Variants in AMN1 observed in about 807,000 individuals in gnomAD.
AMN1 encodes protein AMN1 homolog.
A neutral mutation model predicts 33.0 loss-of-function variants in AMN1; 20 were observed. The ratio of observed to expected loss-of-function variants is 0.61; its 90% CI spans 0.43 to 0.88. The LOEUF (loss-of-function observed/expected upper bound fraction) is 0.88. Ranked by LOEUF, AMN1 falls within the 40% of genes least tolerant of loss-of-function variation. The pLI is 0.00. For missense variants in AMN1, 246 were observed against 307.4 expected (o/e 0.80, Z 1.49); for synonymous variants, 114 against 111.9 (o/e 1.02, Z -0.12).
Position 31,678,418 on chromosome 12 carries a change from A to G in AMN1, c.704-6041T>C, listed in dbSNP as rs139696342. Among the ~76,000 whole-genome samples the G allele has an allele frequency of 9.7e-3, 1,457 of 150,892 alleles. 19 individuals carry two copies. The highest frequency in any genetic ancestry group is 0.034 in the African/African-American group (1,378 of 41,110). Reference sequence around the variant, plus strand: ...ACTTTTTTTTTTTTTTTATGTTGAGACAGAGTCTCACCCTGTCGCCTAGGC... The same window carrying G: ...ACTTTTTTTTTTTTTTTATGTTGAGGCAGAGTCTCACCCTGTCGCCTAGGC... On this transcript the variant is annotated intron_variant, in intron 6 of 6. Transcript: ENST00000281471.
At chr12:31,721,438 C>T (rs895859080) in intron 1 of AMN1, among the ~76,000 whole-genome samples, 2 of 152,228 alleles carry the variant, frequency 1.3e-5, no homozygotes, top group African/African-American at 4.8e-5. Flanking sequence ...GCATTCCCCA[C>T]ACTTCCAGCT....
At chr12:31,709,196 A>C in intron 2 of AMN1, 97 bp downstream of exon 2, 1 of 1,376,954 alleles carries the variant, frequency 7.3e-7, no homozygotes, top group Non-Finnish European at 1.0e-6. Flanking sequence ...ATTAAAAATG[A>C]TTACCAGTCT....
intron 1 of AMN1, among the ~76,000 whole-genome samples, chr12:31,719,938 C>T (rs1048538594): frequency 2.6e-5 from 4 of 152,058 alleles, no homozygotes; most frequent in Non-Finnish European, 2.9e-5. Flanking sequence ...TGGTTGCATG[C>T]GGCCACAGTT....
rs559235817 is a variant in AMN1 at position 31,683,794 on chromosome 12, G to A, written c.703+5213C>T. On this transcript the variant is annotated intron_variant, in intron 6 of 6. Coordinates refer to ENST00000281471, the MANE Select transcript of AMN1 (RefSeq NM_001113402.2). This position sits in a 1 kb window ranked among gnomAD's most constrained non-coding sequence, Gnocchi z 4.1. Reference sequence around the variant, plus strand: ...ATGTCTGTATCAGCAGTGTGAAAACGGACTAATACAATGACTACAGTGTAA... The same window carrying A: ...ATGTCTGTATCAGCAGTGTGAAAACAGACTAATACAATGACTACAGTGTAA... 3.3e-5 allele frequency among the ~76,000 whole-genome samples: 5 copies of A among 152,240 alleles called. No individual in the cohort carries two copies. Among genetic ancestry groups the A allele is most frequent in the South Asian group, 4.1e-4 (2 of 4,824 alleles).
chr12:31,702,161 A>G (rs1939034406), intron 2 of AMN1, among the ~76,000 whole-genome samples, 154 bp from the exon 3 acceptor site: 1 of 152,242 alleles, frequency 6.6e-6, no homozygotes, highest in Non-Finnish European at 1.5e-5. Flanking sequence ...ACAGACACAC[A>G]AAGCAGGAGA....
intron 3 of AMN1, among the ~76,000 whole-genome samples, chr12:31,699,595 C>T (rs1938900279): frequency 6.6e-6 from 1 of 152,090 alleles, no homozygotes; most frequent in Admixed American, 6.5e-5. Context: ...ATGTACTCTT[C>T]ATCTTGCTGT....
intron 6 of AMN1, among the ~76,000 whole-genome samples, chr12:31,676,085 C>T (rs910299768): frequency 4.6e-5 from 7 of 151,522 alleles, no homozygotes; most frequent in Non-Finnish European, 1.0e-4. Flanking sequence ...GAAAATAACT[C>T]CATTTATGTT....
chr12:31,709,006 T>G, intron 2 of AMN1: 1 of 438,490 alleles, frequency 2.3e-6, no homozygotes, highest in South Asian at 1.7e-5. Context: ...GGTGAAACCC[T>G]GTCTCTACAA....
rs560397562 is a variant in AMN1, at chr12:31,696,258, T to A, written c.591+1103A>T. ...TCTCAAAATAAATAAATAAATTAATTAATTAAAATTAAAATAAAAAAGTAT... is the reference window on the plus strand; with the variant it reads ...TCTCAAAATAAATAAATAAATTAATAAATTAAAATTAAAATAAAAAAGTAT... On this transcript the variant is annotated intron_variant, in intron 5 of 6. Coordinates refer to ENST00000281471, the MANE Select transcript of AMN1 (RefSeq NM_001113402.2). Among the ~76,000 whole-genome samples the A allele has an allele frequency of 1.2e-3, 159 of 135,664 alleles. 1 individual carries two copies. Among genetic ancestry groups the A allele is most frequent in the African/African-American group, 3.9e-3 (139 of 35,934 alleles). 89.0% of individuals were successfully genotyped at this position (135,664 alleles called of 152,430 possible).
At chr12:31,692,414 T>G (rs1250934696) in intron 5 of AMN1, among the ~76,000 whole-genome samples, 1 of 149,514 alleles carries the variant, frequency 6.7e-6, no homozygotes, top group Non-Finnish European at 1.5e-5. Context: ...CCGAGATCAC[T>G]GCATACCAGC....
chr12:31,719,921 A>G (rs963284564), intron 1 of AMN1, among the ~76,000 whole-genome samples: 1 of 152,210 alleles, frequency 6.6e-6, no homozygotes, highest in Admixed American at 6.5e-5. Context: ...TGTGCAATTT[A>G]TTCAAGTGGT....
In AMN1 at chr12:31,689,124, C is replaced by A; in HGVS notation, c.592-6G>T. The A allele has an allele frequency of 6.3e-7, 1 of 1,577,192 alleles. No homozygotes were observed. The highest frequency in any genetic ancestry group is 8.7e-7 in the Non-Finnish European group (1 of 1,151,510). On this transcript the variant is annotated splice_polypyrimidine_tract_variant and splice_region_variant and intron_variant, in intron 5 of 6. Coordinates refer to ENST00000281471, the MANE Select transcript of AMN1 (RefSeq NM_001113402.2). ...CAATGTCCCATATGAATCTCCTATG[C>A]AAAAATAAAGAAAATAAAGTCAAAT...
intron 6 of AMN1, among the ~76,000 whole-genome samples, chr12:31,678,186 T>G (rs1029066043): frequency 2.0e-5 from 3 of 152,164 alleles, no homozygotes; most frequent in Non-Finnish European, 4.4e-5. Context: ...GCCTTTCTCT[T>G]ATTAACCTCC....
At chr12:31,686,129 C>A (rs1938250679) in intron 6 of AMN1, among the ~76,000 whole-genome samples, 1 of 152,100 alleles carries the variant, frequency 6.6e-6, no homozygotes, top group African/African-American at 2.4e-5. Context: ...ATTAACCACT[C>A]CAGTATATTT....
intron 6 of AMN1, chr12:31,673,605 AC>A (rs1420664114): frequency 1.4e-5 from 6 of 429,704 alleles, no homozygotes; most frequent in Non-Finnish European, 2.8e-5. Flanking sequence ...AGGGGGAAAC[AC>A]TTTCCAACTC....
chr12:31,708,238 G>A lies in AMN1; in HGVS notation c.171+1055C>T, dbSNP rs549887376. 1.9e-4 allele frequency among the ~76,000 whole-genome samples: 29 copies of A among 152,254 alleles called. No individual in the cohort carries two copies. In the East Asian group the frequency reaches 5.4e-3, roughly 28 times the overall value. ...TATTGCTAAATTCTTTTCCTAGCAA[G>A]GAATATTAAGACCCTAGGGAAAGAA... On this transcript the variant is annotated intron_variant, in intron 2 of 6. Coordinates refer to ENST00000281471, the MANE Select transcript of AMN1 (RefSeq NM_001113402.2).
At chr12:31,701,157 G>A (rs1938981599) in intron 3 of AMN1, among the ~76,000 whole-genome samples, 1 of 151,702 alleles carries the variant, frequency 6.6e-6, no homozygotes, top group Admixed American at 6.6e-5. Flanking sequence ...GCACCACCAC[G>A]CCTGGCTAAT....
chr12:31,693,483 T>A (rs532183806), intron 5 of AMN1, among the ~76,000 whole-genome samples: 1 of 152,142 alleles, frequency 6.6e-6, no homozygotes, highest in Non-Finnish European at 1.5e-5. Flanking sequence ...TGCCTCGGCC[T>A]CCCAAAGTGC....
intron 5 of AMN1, 105 bp from the exon 6 acceptor site, chr12:31,689,223 C>A: frequency 1.3e-6 from 1 of 758,028 alleles, no homozygotes; most frequent in Non-Finnish European, 2.1e-6. Context: ...CAGATATCTA[C>A]TTGCAAAAAA....
Sources: gnomAD v4.1 joint callset for allele counts (sites outside exome capture counted in the v4.1 genomes callset) on GRCh38, gnomAD v4.1.1 for gene constraint, Gnocchi (gnomAD v3.1) non-coding constraint, MANE v1.5 for transcripts, NCBI Gene and HGNC (gene_info 2026-07-23, HGNC 2026-07-21) for gene names.